The following MAF variants were observed in gnomAD, a reference collection of about 807,000 sequenced individuals.
The protein encoded by MAF is MAF bZIP transcription factor, also known as transcription factor Maf.
A neutral mutation model predicts 22.0 loss-of-function variants in MAF; 10 were observed. That is an observed-to-expected ratio of 0.45 (90% CI 0.28 to 0.77). The LOEUF (loss-of-function observed/expected upper bound fraction) is 0.77, where lower values mean the gene tolerates loss of function less well. MAF is among the 30% of genes least tolerant of loss of function. The pLI is 0.12. For synonymous variants in MAF, 337 were observed against 255.8 expected (o/e 1.32, Z -3.03); for missense variants, 544 against 548.4 (o/e 0.99, Z 0.08).
At chr16:79,228,132 G>C in the MAF span, among the ~76,000 whole-genome samples, 1 of 152,038 alleles carries the variant, frequency 6.6e-6, no homozygotes, top group South Asian at 2.1e-4. Flanking sequence ...CCAACTCCTA[G>C]CCTCAAGTGA....
the MAF span, among the ~76,000 whole-genome samples, chr16:79,429,820 G>C: frequency 0.018 from 2,817 of 152,276 alleles, 79 homozygotes; most frequent in African/African-American, 0.064. Context: ...TGGTGCTGTG[G>C]TGTACGCAAC....
chr16:79,203,614 G>A, the MAF span: 3 of 150,686 alleles, frequency 2.0e-5, no homozygotes, highest in Admixed American at 6.6e-5. Context: ...TTTGTGGTTC[G>A]TCCTGAAATC....
chr16:79,373,181 G>A, the MAF span, among the ~76,000 whole-genome samples: 1 of 151,894 alleles, frequency 6.6e-6, no homozygotes, highest in Non-Finnish European at 1.5e-5. Flanking sequence ...GTAGCATAGG[G>A]AACTGCTATG....
chr16:79,577,789 A>G, the MAF span, among the ~76,000 whole-genome samples: 1 of 152,226 alleles, frequency 6.6e-6, no homozygotes, highest in African/African-American at 2.4e-5. Flanking sequence ...AAATTTTGTG[A>G]TTAAATATTA....
At chr16:79,392,195 G>T in the MAF span, among the ~76,000 whole-genome samples, 1 of 147,224 alleles carries the variant, frequency 6.8e-6, no homozygotes, top group Non-Finnish European at 1.5e-5. Context: ...AAGAAGGAGA[G>T]ACAAGAAGAG....
the MAF span, among the ~76,000 whole-genome samples, chr16:79,313,641 T>C: frequency 6.6e-6 from 1 of 152,336 alleles, no homozygotes; most frequent in Admixed American, 6.5e-5. Flanking sequence ...GTTGTTTCTT[T>C]GCTTTTAGCA....
chr16:79,343,724 G>T, the MAF span, among the ~76,000 whole-genome samples: 1 of 152,044 alleles, frequency 6.6e-6, no homozygotes, highest in East Asian at 1.9e-4. Context: ...GTCTCTCTTT[G>T]GATTATTTAT....
At chr16:79,438,745 G>A in the MAF span, among the ~76,000 whole-genome samples, 468 of 152,240 alleles carry the variant, frequency 3.1e-3, 3 homozygotes, top group Middle Eastern at 0.017. Context: ...CCCTGCCCAT[G>A]TCCCAGAGGC....
the MAF span, among the ~76,000 whole-genome samples, chr16:79,285,920 G>C: frequency 6.6e-6 from 1 of 152,278 alleles, no homozygotes; most frequent in South Asian, 2.1e-4. Flanking sequence ...TGAGCCAAAG[G>C]GGCACCATCT....
chr16:79,513,019 G>C, the MAF span, among the ~76,000 whole-genome samples: 2 of 152,248 alleles, frequency 1.3e-5, no homozygotes, highest in Admixed American at 6.5e-5. Context: ...TCTGCCCAGA[G>C]GGAGTGCCTT....
chr16:79,263,953 G>A, the MAF span, among the ~76,000 whole-genome samples: 1 of 152,134 alleles, frequency 6.6e-6, no homozygotes, highest in South Asian at 2.1e-4. Flanking sequence ...CTAGATGTTT[G>A]TTTTAGCCTA....
the MAF span, among the ~76,000 whole-genome samples, chr16:79,384,275 C>G: frequency 6.6e-6 from 1 of 151,872 alleles, no homozygotes; most frequent in Non-Finnish European, 1.5e-5. Flanking sequence ...GAAACCCCAT[C>G]TATACTAAAA....
chr16:79,493,539 C>G, the MAF span, among the ~76,000 whole-genome samples: 1 of 152,172 alleles, frequency 6.6e-6, no homozygotes, highest in African/African-American at 2.4e-5. Flanking sequence ...CTGTTGAACT[C>G]CTGATTTCAA....
the MAF span, among the ~76,000 whole-genome samples, chr16:79,552,671 A>C: frequency 6.6e-6 from 1 of 152,076 alleles, no homozygotes; most frequent in African/African-American, 2.4e-5. Context: ...CTTGGCTCTC[A>C]TGATTTGTCT....
the MAF span, among the ~76,000 whole-genome samples, chr16:79,564,578 C>G: frequency 6.6e-6 from 1 of 152,150 alleles, no homozygotes; most frequent in African/African-American, 2.4e-5. Flanking sequence ...TCACCCACAG[C>G]GCCTTCTTTT....
chr16:79,230,394 C>A, the MAF span, among the ~76,000 whole-genome samples: 1 of 152,168 alleles, frequency 6.6e-6, no homozygotes, highest in Non-Finnish European at 1.5e-5. Context: ...TCACCATCCG[C>A]CTTGAAGGCA....
At chr16:79,386,616 C>A in the MAF span, among the ~76,000 whole-genome samples, 1 of 152,084 alleles carries the variant, frequency 6.6e-6, no homozygotes, top group African/African-American at 2.4e-5. Flanking sequence ...CTGTATATAA[C>A]TATATACACA....
chr16:79,505,781 C>A, the MAF span: 1 of 152,202 alleles, frequency 6.6e-6, no homozygotes, highest in Non-Finnish European at 1.5e-5. Context: ...AGGCCTGAGG[C>A]CAGGAGGCCA....
the MAF span, among the ~76,000 whole-genome samples, chr16:79,473,316 A>G: frequency 2.0e-5 from 3 of 152,112 alleles, no homozygotes; most frequent in Non-Finnish European, 2.9e-5. Context: ...CACGGTGGCA[A>G]CCCAGGCATT....
Sources: gnomAD v4.1 joint callset for allele counts (sites outside exome capture counted in the v4.1 genomes callset) on GRCh38, gnomAD v4.1.1 for gene constraint, MANE v1.5 for transcripts, NCBI Gene and HGNC (gene_info 2026-07-23, HGNC 2026-07-21) for gene names.